Variants in CRYBG3 observed in about 807,000 individuals in gnomAD.
CRYBG3 encodes crystallin beta-gamma domain containing 3.
In CRYBG3, 127 loss-of-function variants were observed where a neutral mutation model predicts 244.2. That is an observed-to-expected ratio of 0.52 (90% confidence interval 0.45 to 0.60). The LOEUF (loss-of-function observed/expected upper bound fraction) is 0.60. Ranked by LOEUF, CRYBG3 falls within the 20% of genes least tolerant of loss-of-function variation. The pLI, the probability that CRYBG3 is intolerant of heterozygous loss-of-function variation, is 0.00. For synonymous variants in CRYBG3, 1,132 were observed against 1,195.8 expected, an observed-to-expected ratio of 0.95 and a Z score of 1.10; for missense variants, 3,325 against 3,442.5, an observed-to-expected ratio of 0.97 and a Z score of 0.85.
intron 15 of CRYBG3, among the ~76,000 whole-genome samples, chr3:97,909,577 G>A (rs1429903825): frequency 4.0e-5 from 6 of 149,682 alleles, no homozygotes; most frequent in Non-Finnish European, 7.5e-5. Flanking sequence ...CGTAGTTCTC[G>A]AGCCTTGGTT....
rs1300404115 is a variant in CRYBG3, at chr3:97,874,483, A to T, written c.3289A>T (p.Thr1097Ser). ...QVTKDLTHEG[T>S]SVTNLLYPTT... ...TACCAAAGATCTCACACATGAAGGT[A>T]CCTCTGTAACTAACCTGTTGTACCC... Residue 1097 changes from threonine to serine, a missense_variant, in exon 4 of 22, where the codon ACC becomes TCC. By Grantham distance (58) the Thr-to-Ser change is moderately conservative. Transcript: ENST00000389622. The T allele has an allele frequency of 1.8e-5, 28 of 1,533,992 alleles. No individual in the cohort carries two copies. The highest frequency in any genetic ancestry group is 2.4e-5 in the Non-Finnish European group (28 of 1,146,244).
chr3:97,851,881 G>A (rs1225060223), intron 2 of CRYBG3, among the ~76,000 whole-genome samples: 1 of 152,174 alleles, frequency 6.6e-6, no homozygotes, highest in East Asian at 1.9e-4. Flanking sequence ...TAACAGATGT[G>A]GAAGCAGCAA....
intron 15 of CRYBG3, among the ~76,000 whole-genome samples, chr3:97,906,902 T>G (rs1452192600): frequency 2.0e-5 from 3 of 148,704 alleles, no homozygotes; most frequent in African/African-American, 7.4e-5. Context: ...TAGCTCTTAT[T>G]ATTTTGAAAT....
intron 15 of CRYBG3, among the ~76,000 whole-genome samples, chr3:97,903,726 A>G (rs905725916): frequency 2.0e-5 from 3 of 152,330 alleles, no homozygotes; most frequent in Non-Finnish European, 4.4e-5. Context: ...AAAGATATAT[A>G]TTACCACATA....
At chr3:97,858,740 ATC>A (rs1388999810) in intron 2 of CRYBG3, among the ~76,000 whole-genome samples, 1 of 151,862 alleles carries the variant, frequency 6.6e-6, no homozygotes, top group Admixed American at 6.6e-5. Flanking sequence ...TGAATTGTCT[ATC>A]TGTATTTTTT....
intron 2 of CRYBG3, among the ~76,000 whole-genome samples, chr3:97,856,161 C>G (rs1466175521): frequency 3.3e-5 from 5 of 152,058 alleles, no homozygotes; most frequent in Admixed American, 3.3e-4. Flanking sequence ...ATGTTCCTTG[C>G]TGAGAAAAAG....
At chr3:97,864,856 T>C (rs943596333) in intron 3 of CRYBG3, among the ~76,000 whole-genome samples, 1 of 152,012 alleles carries the variant, frequency 6.6e-6, no homozygotes, top group African/African-American at 2.4e-5. Context: ...GCCTGCAAAA[T>C]TTGTCTTAGT....
chr3:97,876,367 G>A lies in CRYBG3; in HGVS notation c.5173G>A (p.Asp1725Asn), dbSNP rs1010414233. The A allele has an allele frequency of 1.5e-5, 19 of 1,231,984 alleles. No individual in the cohort carries two copies. Among genetic ancestry groups the A allele is most frequent in the Non-Finnish European group, 1.9e-5 (19 of 987,968 alleles). The allele number at this position is 1,231,984 out of a possible 1,614,324, so 76.3% of individuals were successfully genotyped here. Reference sequence around the variant, plus strand: ...TACTTACCAAAAGGATGCTGAAGGGGATATTGGAAAGGCTGAAGTGATGCC... The same window carrying A: ...TACTTACCAAAAGGATGCTGAAGGGAATATTGGAAAGGCTGAAGTGATGCC... ...ENTYQKDAEGDIGKAEVMPVR... is the reference protein window; with the variant it reads ...ENTYQKDAEGNIGKAEVMPVR... Residue 1725 changes from aspartate (D) to asparagine (N), a missense_variant, in exon 4 of 22, where the codon GAT (aspartate) becomes AAT (asparagine). Asp to Asn is a conservative substitution (Grantham distance 23, BLOSUM62 1). Coordinates refer to ENST00000389622, the MANE Select transcript of CRYBG3 (RefSeq NM_153605.4).
chr3:97,899,245 G>A lies in CRYBG3; in HGVS notation c.7953G>A (p.Ser2651=), dbSNP rs831894. ...GAGGATCAAATAATATAATCATGTC[G>A]ATACGGCCAATCCAACTGGTGAGTG... The part of the protein sequence containing the change: ...DWGGSNNIIM[S]IRPIQLEPLG... The change falls in exon 14 of 22, where the codon TCG becomes TCA. Residue 2651 remains serine (S), a synonymous_variant. Transcript: ENST00000389622. 1.3e-3 allele frequency: 2,161 copies of A among 1,612,794 alleles called. 21 individuals carry two copies. The East Asian group carries it at 0.022, about 16-fold the overall frequency.
chr3:97,889,805 T>TA (rs1320079173), intron 10 of CRYBG3, among the ~76,000 whole-genome samples: 2 of 152,048 alleles, frequency 1.3e-5, no homozygotes, highest in Non-Finnish European at 2.9e-5. Flanking sequence ...TCTTATCAGG[T>TA]AGATGGCAGT....
At chr3:97,910,528 C>T (rs574420758) in intron 15 of CRYBG3, among the ~76,000 whole-genome samples, 37 of 152,224 alleles carry the variant, frequency 2.4e-4, no homozygotes, top group Non-Finnish European at 1.5e-4. Flanking sequence ...CTGTCCGTCA[C>T]CCCTTTCTTT....
rs1234167351 is a variant in CRYBG3, at chr3:97,876,105, A to G, written c.4911A>G (p.Ile1637Met). 8.1e-7 allele frequency: 1 copy of G among 1,231,884 alleles called. No homozygotes were observed. Among genetic ancestry groups the G allele is most frequent in the Non-Finnish European group, 1.0e-6 (1 of 987,842 alleles). 76.3% of individuals were successfully genotyped at this position (1,231,884 alleles called of 1,614,324 possible). Residue 1637 changes from isoleucine to methionine, a missense_variant, in exon 4 of 22, where the codon ATA (isoleucine) becomes ATG (methionine). Around this residue, in one of 4 missense-constraint regions of CRYBG3, gnomAD observed 635 missense variants for 771.7 expected, o/e 0.82. Transcript: ENST00000389622. ...TEGDIGKIEV[I>M]PMMPEVKNIH... ...GGGATATTGGCAAAATTGAGGTGAT[A>G]CCTATGATGCCAGAAGTGAAAAATA...
intron 15 of CRYBG3, among the ~76,000 whole-genome samples, chr3:97,907,247 G>C (rs2039787593): frequency 6.6e-6 from 1 of 152,174 alleles, no homozygotes; most frequent in Non-Finnish European, 1.5e-5. Flanking sequence ...GTATCAGAAT[G>C]ATGCTGCCCT....
At chr3:97,898,263 G>A (rs2039662387) in intron 12 of CRYBG3, among the ~76,000 whole-genome samples, 1 of 150,298 alleles carries the variant, frequency 6.7e-6, no homozygotes, top group African/African-American at 2.4e-5. Context: ...AATTGTTTTA[G>A]TTTGAATTTC....
At chr3:97,852,817 C>A (rs2039006928) in intron 2 of CRYBG3, among the ~76,000 whole-genome samples, 1 of 152,144 alleles carries the variant, frequency 6.6e-6, no homozygotes, top group Non-Finnish European at 1.5e-5. Flanking sequence ...GTTCCCTTTT[C>A]TCTACATACT....
chr3:97,873,992 C>T lies in CRYBG3; in HGVS notation c.2798C>T (p.Pro933Leu), dbSNP rs2039338215. 2 of 1,534,502 alleles carry T rather than the reference C, an allele frequency of 1.3e-6. No homozygotes were observed. The highest frequency in any genetic ancestry group is 1.4e-5 in the African/African-American group (1 of 73,038). Residue 933 changes from proline to leucine, a missense_variant, in exon 4 of 22, where the codon CCT becomes CTT. Coordinates refer to ENST00000389622, the MANE Select transcript of CRYBG3 (RefSeq NM_153605.4). ...GAGGTAGATGCCTTAGGCTCTCCTC[C>T]TGCTCTTCTTAAAAGTAATATATCT... ...EPEVDALGSPPALLKSNISWI... is the reference protein window; with the variant it reads ...EPEVDALGSPLALLKSNISWI...
At chr3:97,926,636 C>T (rs897842656) in intron 17 of CRYBG3, among the ~76,000 whole-genome samples, 5 of 151,974 alleles carry the variant, frequency 3.3e-5, no homozygotes, top group African/African-American at 9.7e-5. Flanking sequence ...AGCTATCTCT[C>T]TTTACAAATG....
chr3:97,872,881 T>G lies in CRYBG3; in HGVS notation c.1687T>G (p.Phe563Val). Residue 563 changes from phenylalanine (F) to valine (V), a missense_variant, in exon 4 of 22, where the codon TTT becomes GTT. Phe to Val is a conservative substitution (Grantham distance 50). Transcript: ENST00000389622. ...ESLPKDTDQY[F>V]ETKAKKLDFR... ...ATTACCCAAAGATACTGACCAATAC[T>G]TTGAAACCAAAGCCAAAAAGCTTGA... 6.5e-7 allele frequency: 1 copy of G among 1,531,816 alleles called. No individual in the cohort carries two copies. The highest frequency in any genetic ancestry group is 8.7e-7 in the Non-Finnish European group (1 of 1,145,882). 94.9% of individuals were successfully genotyped at this position (1,531,816 alleles called of 1,614,324 possible).
chr3:97,836,925 A>G (rs926305014), intron 1 of CRYBG3: 2 of 151,894 alleles, frequency 1.3e-5, no homozygotes, highest in African/African-American at 4.8e-5. Context: ...TTTTTTTCCC[A>G]CTCATTCTTC....
Sources: gnomAD v4.1 joint callset for allele counts (sites outside exome capture counted in the v4.1 genomes callset) on GRCh38, gnomAD v4.1.1 for gene constraint, gnomAD v4.1.1 regional missense constraint, MANE v1.5 for transcripts, NCBI Gene and HGNC (gene_info 2026-07-23, HGNC 2026-07-21) for gene names.